The following NPAS1 variants were observed in gnomAD, a reference collection of about 807,000 sequenced individuals.
The protein encoded by NPAS1 is neuronal PAS domain-containing protein 1.
Under a neutral mutation model 49.2 loss-of-function variants are expected in NPAS1, and 29 were observed. The observed-to-expected ratio is 0.59, with a 90% CI of 0.44 to 0.80. The LOEUF (loss-of-function observed/expected upper bound fraction) is 0.80. Ranked by LOEUF, NPAS1 falls within the 30% of genes least tolerant of loss-of-function variation. The probability of loss-of-function intolerance (pLI) is 0.00; values close to 1 mark genes in which losing one functional copy is unlikely to be tolerated. For synonymous variants in NPAS1, 408 were observed against 380.4 expected (o/e 1.07, Z -0.84); for missense variants, 825 against 835.5 (o/e 0.99, Z 0.15).
rs745982990 is a variant in NPAS1, at chr19:47,045,412, G to C, written c.1534G>C (p.Gly512Arg). 1.2e-6 allele frequency: 2 copies of C among 1,610,014 alleles called. No individual in the cohort carries two copies. Among genetic ancestry groups the C allele is most frequent in the Non-Finnish European group, 1.7e-6 (2 of 1,178,382 alleles). The change falls in exon 12 of 12, where the codon GGC becomes CGC. Residue 512 changes from glycine (G) to arginine (R), a missense_variant. By Grantham distance (125) the Gly-to-Arg change is moderately radical. Transcript: ENST00000602212. ...VLKQDPVRPW[G>R]LAPPGDPPPT... ...GAAGCAGGATCCGGTGCGGCCATGG[G>C]GCCTGGCGCCTCCCGGGGACCCCCC...
intron 3 of NPAS1, among the ~76,000 whole-genome samples, chr19:47,022,379 G>A (rs942195091): frequency 1.3e-5 from 2 of 152,204 alleles, no homozygotes; most frequent in Non-Finnish European, 2.9e-5. Flanking sequence ...TCGCCGCGCA[G>A]CCACCTCCCA....
chr19:47,036,221 A>C, intron 6 of NPAS1, 92 bp downstream of exon 6: 1 of 1,316,116 alleles, frequency 7.6e-7, no homozygotes. Flanking sequence ...TTATACAAAT[A>C]GCAGTGAAGT....
At chr19:47,032,509 C>A in intron 4 of NPAS1, 134 bp from the exon 5 acceptor site, 1 of 1,086,984 alleles carries the variant, frequency 9.2e-7, no homozygotes, top group Non-Finnish European at 1.4e-6. Flanking sequence ...TTCCGAGGAC[C>A]ACTGAAGCCC....
intron 3 of NPAS1, among the ~76,000 whole-genome samples, chr19:47,026,783 C>T (rs557481425): frequency 3.3e-5 from 5 of 151,722 alleles, no homozygotes; most frequent in Non-Finnish European, 5.9e-5. Flanking sequence ...GGTGAAACCC[C>T]GTCTCAACTA....
rs1479710358 is a variant in NPAS1, at chr19:47,040,684, G to A, written c.1069+134G>A. ...CTGCACCTACAGCTCCAGGGACTCC[G>A]TTTAGCATTGGAAGAGCAGCAAGGA... On this transcript the variant is annotated intron_variant, in intron 9 of 11. Transcript: ENST00000602212. 4.1e-5 allele frequency: 26 copies of A among 632,988 alleles called. No homozygotes were observed. The East Asian group carries it at 6.4e-4, about 16-fold the overall frequency. The allele number at this position is 632,988 out of a possible 1,614,324, so 39.2% of individuals were successfully genotyped here.
At chr19:47,027,234 C>T (rs1004367316) in intron 3 of NPAS1, among the ~76,000 whole-genome samples, 1 of 152,174 alleles carries the variant, frequency 6.6e-6, no homozygotes, top group Non-Finnish European at 1.5e-5. Context: ...GACCCAGGGT[C>T]AGCACATTCC....
In NPAS1 at chr19:47,032,294, C is replaced by T. The variant is rs1290339401; in HGVS notation, c.375C>T (p.Gly125=). ...PPAGLAPGRR[G]PAALVSEVFE... is the part of the protein sequence containing the mutation. ...CTGCCCCAGCCCCAGGCCGCCGCGG[C>T]CCCGCAGCGCTGGTCTCCGAAGTCT... The change falls in exon 4 of 12, where the codon GGC becomes GGT. Residue 125 remains glycine, a synonymous_variant. Coordinates refer to ENST00000602212, the MANE Select transcript of NPAS1 (RefSeq NM_002517.4). 1 of 1,613,840 alleles carries T rather than the reference C, an allele frequency of 6.2e-7. No individual in the cohort carries two copies. The highest frequency in any genetic ancestry group is 8.5e-7 in the Non-Finnish European group (1 of 1,179,988).
chr19:47,020,416 GT>G (rs1301879790), intron 1 of NPAS1, among the ~76,000 whole-genome samples: 1 of 151,792 alleles, frequency 6.6e-6, no homozygotes, highest in African/African-American at 2.4e-5. Flanking sequence ...CAGGGAGGAA[GT>G]TGTGGTCGTG....
intron 6 of NPAS1, among the ~76,000 whole-genome samples, chr19:47,038,486 T>C (rs1158654431): frequency 6.5e-5 from 7 of 106,982 alleles, no homozygotes; most frequent in Admixed American, 1.1e-4. Flanking sequence ...CACTGCACTC[T>C]AGCCTGGTGA....
intron 10 of NPAS1, among the ~76,000 whole-genome samples, chr19:47,041,461 C>T (rs1356700639): frequency 1.3e-5 from 2 of 151,934 alleles, no homozygotes; most frequent in African/African-American, 2.4e-5. Context: ...GGGAGGCCCA[C>T]AGAGCACAGC....
intron 3 of NPAS1, among the ~76,000 whole-genome samples, chr19:47,025,142 C>G (rs1244440703): frequency 1.5e-5 from 2 of 135,686 alleles, no homozygotes; most frequent in Non-Finnish European, 3.3e-5. Flanking sequence ...ATCTGACACT[C>G]TCTGTATTTA....
chr19:47,040,349 C>A, intron 8 of NPAS1, 95 bp from the exon 9 acceptor site: 2 of 761,054 alleles, frequency 2.6e-6, no homozygotes, highest in Non-Finnish European at 2.2e-6. Context: ...CATTTTACAG[C>A]AAGGGTGTGA....
intron 3 of NPAS1, among the ~76,000 whole-genome samples, chr19:47,024,294 A>G (rs763586243): frequency 1.2e-4 from 18 of 151,998 alleles, no homozygotes; most frequent in Non-Finnish European, 1.9e-4. Flanking sequence ...ATCTAAAATA[A>G]TAACAATAAT....
chr19:47,023,367 C>T (rs936017739), intron 3 of NPAS1, among the ~76,000 whole-genome samples: 4 of 152,122 alleles, frequency 2.6e-5, no homozygotes, highest in Non-Finnish European at 4.4e-5. Context: ...TGGCTGAGGT[C>T]ACAGCACTGA....
chr19:47,032,282 A>T lies in NPAS1; in HGVS notation c.363A>T (p.Pro121=). ...RAAGPPAGLA[P]GRRGPAALVS... ...TCATCCTTCCATCTGCCCCAGCCCC[A>T]GGCCGCCGCGGCCCCGCAGCGCTGG... The change falls in exon 4 of 12, where the codon CCA becomes CCT. Residue 121 remains proline (P), a synonymous_variant. Coordinates refer to ENST00000602212, the MANE Select transcript of NPAS1 (RefSeq NM_002517.4). 6.2e-7 allele frequency: 1 copy of T among 1,613,764 alleles called. No homozygotes were observed. The highest frequency in any genetic ancestry group is 1.1e-5 in the South Asian group (1 of 91,066).
rs762873659 is a variant in NPAS1 at position 47,040,972 on chromosome 19, G to C, written c.1070-6G>C. On this transcript the variant is annotated splice_region_variant and splice_polypyrimidine_tract_variant and intron_variant, in intron 9 of 11. Coordinates refer to ENST00000602212, the MANE Select transcript of NPAS1 (RefSeq NM_002517.4). Reference sequence around the variant, plus strand: ...CCCTTCCCATCTCTCCCTGGGCTGGGCCCAGTGCTGGACAAGGGTCAGGTG... The same window carrying C: ...CCCTTCCCATCTCTCCCTGGGCTGGCCCCAGTGCTGGACAAGGGTCAGGTG... 18 of 1,470,728 alleles carry C rather than the reference G, an allele frequency of 1.2e-5. No individual in the cohort carries two copies. The South Asian group carries it at 2.1e-4, about 17-fold the overall frequency. 91.1% of individuals were successfully genotyped at this position (1,470,728 alleles called of 1,614,324 possible). A position where few individuals can be genotyped will look rare whatever the true frequency, so the allele number is the denominator to read the frequency against.
intron 5 of NPAS1, among the ~76,000 whole-genome samples, chr19:47,035,029 A>G (rs1015311765): frequency 6.6e-6 from 1 of 152,028 alleles, no homozygotes; most frequent in African/African-American, 2.4e-5. Context: ...TAAAAATACA[A>G]AATTAGCCAG....
At chr19:47,027,154 C>G (rs957276145) in intron 3 of NPAS1, among the ~76,000 whole-genome samples, 12 of 152,186 alleles carry the variant, frequency 7.9e-5, no homozygotes, top group African/African-American at 2.7e-4. Flanking sequence ...GGCGCTTTGA[C>G]GATGGGGCAT....
chr19:47,036,654 C>T (rs1377645797), intron 6 of NPAS1, among the ~76,000 whole-genome samples: 3 of 150,210 alleles, frequency 2.0e-5, no homozygotes, highest in African/African-American at 7.4e-5. Context: ...GGTGGGTCAC[C>T]TAAAGTCAGG....
Sources: gnomAD v4.1 joint callset for allele counts (sites outside exome capture counted in the v4.1 genomes callset) on GRCh38, gnomAD v4.1.1 for gene constraint, MANE v1.5 for transcripts, NCBI Gene and HGNC (gene_info 2026-07-23, HGNC 2026-07-21) for gene names.